TMC8: variants seen among roughly 807,000 people sequenced by gnomAD.
The protein encoded by TMC8 is transmembrane channel-like protein 8.
Under a neutral mutation model 76.0 loss-of-function variants are expected in TMC8, and 71 were observed. That is an observed-to-expected ratio of 0.93 (90% confidence interval 0.77 to 1.14). The LOEUF (loss-of-function observed/expected upper bound fraction) is 1.14. TMC8 is among the 50% of genes most tolerant of loss of function. The pLI is 0.00. For missense variants in TMC8, 924 were observed against 947.9 expected (o/e 0.97, Z 0.33); for synonymous variants, 433 against 433.8 (o/e 1.00, Z 0.02).
intron 8 of TMC8, 42 bp downstream of exon 8, chr17:78,134,606 G>C: frequency 6.2e-7 from 1 of 1,610,114 alleles, no homozygotes; most frequent in Non-Finnish European, 8.5e-7. Context: ...CCAGAACTGC[G>C]GGGGTGAGAC....
chr17:78,131,806 G>C (rs903524778), intron 2 of TMC8, 69 bp downstream of exon 2: 2 of 1,520,036 alleles, frequency 1.3e-6, no homozygotes, highest in African/African-American at 2.8e-5. Context: ...CGGATGGTGT[G>C]GGAGCACCCC....
chr17:78,141,333 GTTT>G lies in TMC8; in HGVS notation c.*225_*227del, dbSNP rs111386014. ...CTTTAAAATGTCTATTTTTTATTGT[GTTT>G]TTTATAATATACATAATCTATTAGT... is the stretch of plus-strand genomic sequence containing the variant. On this transcript the variant is annotated 3_prime_UTR_variant, in exon 16 of 16. Coordinates refer to ENST00000318430, the MANE Select transcript of TMC8 (RefSeq NM_152468.5). 0.092 allele frequency: 36,256 copies of G among 393,116 alleles called. 2,900 individuals carry two copies. Among genetic ancestry groups the G allele is most frequent in the Admixed American group, 0.24 (5,486 of 22,996 alleles). The allele number at this position is 393,116 out of a possible 1,614,324, so 24.4% of individuals were successfully genotyped here.
intron 6 of TMC8, 66 bp downstream of exon 6, chr17:78,133,608 C>T: frequency 6.3e-7 from 1 of 1,598,500 alleles, no homozygotes; most frequent in Non-Finnish European, 8.5e-7. Context: ...CCTTCCTTGG[C>T]AGGGTACCCT....
chr17:78,137,555 C>A, intron 10 of TMC8, 162 bp from the exon 11 acceptor site: 1 of 1,140,528 alleles, frequency 8.8e-7, no homozygotes, highest in South Asian at 1.3e-5. Context: ...GGCTGTGGGG[C>A]TTCCTGCTCT....
Position 78,137,854 on chromosome 17 carries a change from C to T in TMC8, c.1349+40C>T, listed in dbSNP as rs745430057. On this transcript the variant is annotated intron_variant, in intron 11 of 15. Transcript: ENST00000318430. ...GACACCTCCAGAAGGGCGGGGGTGC[C>T]GCGAGCATGTTGGGGGTGGCCAGTG... 91 of 1,606,824 alleles carry T rather than the reference C, an allele frequency of 5.7e-5. 2 individuals are homozygous for T. In the South Asian group the frequency reaches 8.0e-4, roughly 14 times the overall value.
chr17:78,134,347 A>G (rs2075156695), intron 7 of TMC8, 47 bp from the exon 8 acceptor site: 1 of 1,599,278 alleles, frequency 6.3e-7, no homozygotes. Context: ...CTTTCCTCCC[A>G]TGCCCACCCC....
chr17:78,132,130 G>C, intron 3 of TMC8, 100 bp downstream of exon 3: 1 of 1,517,494 alleles, frequency 6.6e-7, no homozygotes, highest in Non-Finnish European at 8.8e-7. Flanking sequence ...CCTTCACCCG[G>C]GTCCCCCGAC....
At position 78,138,411 on chromosome 17, in the gene TMC8, C is replaced by G; in HGVS notation, c.1596C>G (p.Phe532Leu). 1 of 1,612,810 alleles carries G rather than the reference C, an allele frequency of 6.2e-7. No homozygotes were observed. Among genetic ancestry groups the G allele is most frequent in the Non-Finnish European group, 8.5e-7 (1 of 1,180,014 alleles). ...CCTTCCGTGCCTCCAGCTCCACCTT[C>G]TTCTTCCAGCTAGTGCTCCTCCTGG... ...SRPFRASSSTFFFQLVLLLGL... is the reference protein window; with the variant it reads ...SRPFRASSSTLFFQLVLLLGL... The change falls in exon 13 of 16, where the codon TTC becomes TTG. Residue 532 changes from phenylalanine to leucine, a missense_variant. By Grantham distance (22) the Phe-to-Leu change is conservative. Coordinates refer to ENST00000318430, the MANE Select transcript of TMC8 (RefSeq NM_152468.5).
In TMC8 at chr17:78,140,910, G is replaced by T. The variant is rs1484185525; in HGVS notation, c.1979G>T (p.Gly660Val). The change falls in exon 16 of 16, where the codon GGC becomes GTC. Residue 660 changes from glycine to valine, a missense_variant. Transcript: ENST00000318430. ...GAGCCAGGCCCGAGCGACTCTCCGG[G>T]CCCCAAGTACCCTGCCTCCCAAGCT... ...LPEPGPSDSP[G>V]PKYPASQASR... is the part of the protein sequence containing the mutation. The T allele has an allele frequency of 1.2e-6, 2 of 1,606,808 alleles. No homozygotes were observed. Among genetic ancestry groups the T allele is most frequent in the Admixed American group, 1.7e-5 (1 of 58,978 alleles).
intron 15 of TMC8, among the ~76,000 whole-genome samples, 196 bp downstream of exon 15, chr17:78,139,436 T>G (rs1379906085): frequency 6.6e-6 from 1 of 152,094 alleles, no homozygotes. Context: ...GAGCCAGACC[T>G]GGTAAGTACA....
chr17:78,134,090 C>A (rs1239462471), intron 7 of TMC8, 90 bp downstream of exon 7: 1 of 1,576,290 alleles, frequency 6.3e-7, no homozygotes, highest in Non-Finnish European at 8.7e-7. Flanking sequence ...TGTGTGCGAG[C>A]AAGTGCGACC....
chr17:78,131,830 G>A (rs2074987470), intron 2 of TMC8, 52 bp from the exon 3 acceptor site: 1 of 1,490,244 alleles, frequency 6.7e-7, no homozygotes, highest in Non-Finnish European at 8.9e-7. Context: ...TGCTTGGCCC[G>A]GGTGGGCAGG....
chr17:78,139,003 C>A (rs759669928), intron 14 of TMC8, 159 bp from the exon 15 acceptor site: 2 of 1,559,490 alleles, frequency 1.3e-6, no homozygotes, highest in Admixed American at 3.7e-5. Flanking sequence ...AGGGGCTCTG[C>A]GAGGAAGGAG....
chr17:78,137,663 G>A (rs2075268505), intron 10 of TMC8, 54 bp from the exon 11 acceptor site: 1 of 1,513,216 alleles, frequency 6.6e-7, no homozygotes, highest in African/African-American at 1.4e-5. Flanking sequence ...GCTAAGGGAA[G>A]GAAGGGCCGG....
In TMC8 at chr17:78,133,539, G is replaced by T; in HGVS notation, c.665G>T (p.Arg222Leu). ...CLLLCFCGTL[R>L]RMVKGLPQKT... ...CTCCTCTGCTTCTGTGGGACTCTGC[G>T]GCGGTGAGAGCGAGGTCCACACCTT... is the stretch of plus-strand genomic sequence containing the variant. Residue 222 changes from arginine (R) to leucine (L), a missense_variant, in exon 6 of 16, where the codon CGG becomes CTG. Coordinates refer to ENST00000318430, the MANE Select transcript of TMC8 (RefSeq NM_152468.5). 6.2e-7 allele frequency: 1 copy of T among 1,611,810 alleles called. No homozygotes were observed.
chr17:78,139,321 G>C, intron 15 of TMC8, 81 bp downstream of exon 15: 1 of 1,519,198 alleles, frequency 6.6e-7, no homozygotes, highest in South Asian at 1.1e-5. Flanking sequence ...CCTAGAACAC[G>C]TCTGAGCGGG....
In TMC8 at chr17:78,138,422, T is replaced by G; in HGVS notation, c.1607T>G (p.Leu536Arg). The change falls in exon 13 of 16, where the codon CTA (leucine) becomes CGA (arginine). Residue 536 changes from leucine to arginine, a missense_variant. By Grantham distance (102) the Leu-to-Arg change is moderately radical. Transcript: ENST00000318430. ...TCCAGCTCCACCTTCTTCTTCCAGCTAGTGCTCCTCCTGGGCCTGCTTCTG... is the reference window on the plus strand; with the variant it reads ...TCCAGCTCCACCTTCTTCTTCCAGCGAGTGCTCCTCCTGGGCCTGCTTCTG... ...RASSSTFFFQ[L>R]VLLLGLLLAA... 1 of 1,613,024 alleles carries G rather than the reference T, an allele frequency of 6.2e-7. No individual in the cohort carries two copies. The highest frequency in any genetic ancestry group is 1.3e-5 in the African/African-American group (1 of 75,054).
In TMC8 at chr17:78,134,471, C is replaced by T. The variant is rs938539425; in HGVS notation, c.894C>T (p.Ser298=). ...TRAQTACRLL[S]YLRVNVLNGL... ...CCCAGACGGCCTGCCGCCTGCTCTC[C>T]TACCTGCGGGTCAACGTACTCAACG... Residue 298 remains serine (S), a synonymous_variant, in exon 8 of 16, where the codon TCC becomes TCT. Coordinates refer to ENST00000318430, the MANE Select transcript of TMC8 (RefSeq NM_152468.5). The T allele has an allele frequency of 3.1e-6, 5 of 1,613,930 alleles. No homozygotes were observed. The highest frequency in any genetic ancestry group is 3.3e-4 in the Middle Eastern group (2 of 6,084).
intron 9 of TMC8, 66 bp from the exon 10 acceptor site, chr17:78,137,169 T>C: frequency 6.2e-6 from 10 of 1,603,918 alleles, no homozygotes; most frequent in Non-Finnish European, 8.5e-6. Context: ...GCCACACCTA[T>C]AGCCTGGGTA....
Sources: allele counts gnomAD v4.1 joint callset (sites outside exome capture counted in the v4.1 genomes callset), GRCh38; gene constraint gnomAD v4.1.1; transcripts MANE v1.5; gene names NCBI Gene and HGNC (gene_info 2026-07-23, HGNC 2026-07-21).